VRK2: variants seen among roughly 807,000 people sequenced by gnomAD.
VRK2 encodes serine/threonine-protein kinase VRK2.
Under a neutral mutation model 57.6 loss-of-function variants are expected in VRK2, and 60 were observed. That is an observed-to-expected ratio of 1.04 (90% CI 0.85 to 1.29). VRK2 has a LOEUF of 1.29. Among genes scored for constraint, VRK2 ranks in the 50% most tolerant of loss-of-function variants. The pLI is 0.00. For synonymous variants in VRK2, 231 were observed against 199.2 expected, an observed-to-expected ratio of 1.16 and a Z score of -1.35; for missense variants, 705 against 588.1, an observed-to-expected ratio of 1.20 and a Z score of -2.06.
chr2:57,962,543 C>G (rs368043888), intron 1 of VRK2, among the ~76,000 whole-genome samples: 8 of 151,946 alleles, frequency 5.3e-5, no homozygotes, highest in African/African-American at 1.7e-4. Flanking sequence ...AGTATTTGAT[C>G]GGTAGTTTTT....
intron 1 of VRK2, among the ~76,000 whole-genome samples, chr2:57,913,913 T>G (rs1449841081): frequency 6.6e-6 from 1 of 152,102 alleles, no homozygotes; most frequent in Non-Finnish European, 1.5e-5. Flanking sequence ...GAATAAGTCA[T>G]GTTAAAATGT....
At chr2:58,122,484 T>C (rs1400939665) in intron 7 of VRK2, among the ~76,000 whole-genome samples, 1 of 152,048 alleles carries the variant, frequency 6.6e-6, no homozygotes, top group Admixed American at 6.6e-5. Flanking sequence ...GTTAAGAAAA[T>C]CATAAGGAAG....
chr2:58,158,548 G>T (rs1684385513), intron 12 of VRK2, among the ~76,000 whole-genome samples: 1 of 150,650 alleles, frequency 6.6e-6, no homozygotes, highest in South Asian at 2.1e-4. Flanking sequence ...CAAGCTTAAA[G>T]TATTTTGCTT....
Position 58,159,749 on chromosome 2 carries a change from ATGT to A in VRK2, c.*60_*62del, listed in dbSNP as rs1274343654. On this transcript the variant is annotated 3_prime_UTR_variant, in exon 13 of 13. Coordinates refer to ENST00000340157, the MANE Select transcript of VRK2 (RefSeq NM_006296.7). ...TTTAAGTTTCCAGCTCTTCACCGAA[ATGT>A]TGTATTCTTATTTCAGTGTTTCCTT... The A allele has an allele frequency of 1.1e-5, 18 of 1,613,112 alleles. No homozygotes were observed. Among genetic ancestry groups the A allele is most frequent in the Non-Finnish European group, 1.5e-5 (18 of 1,179,600 alleles).
intron 1 of VRK2, among the ~76,000 whole-genome samples, chr2:57,967,688 G>A (rs1390530940): frequency 6.6e-6 from 1 of 150,554 alleles, no homozygotes; most frequent in Non-Finnish European, 1.5e-5. Flanking sequence ...TATCCTTCCT[G>A]GACCTTAAGA....
chr2:57,929,010 C>G (rs1226311104), intron 1 of VRK2, among the ~76,000 whole-genome samples: 1 of 152,212 alleles, frequency 6.6e-6, no homozygotes, highest in Non-Finnish European at 1.5e-5. Flanking sequence ...GGACCTAAAG[C>G]CACCATGGTC....
intron 2 of VRK2, among the ~76,000 whole-genome samples, chr2:58,082,078 C>G (rs1459531046): frequency 6.6e-6 from 1 of 151,714 alleles, no homozygotes; most frequent in African/African-American, 2.4e-5. Flanking sequence ...TAGACTTAGA[C>G]CCTCCAATAT....
intron 2 of VRK2, among the ~76,000 whole-genome samples, chr2:58,028,903 A>ATATATAT (rs1553378205): frequency 7.8e-4 from 42 of 54,008 alleles, no homozygotes; most frequent in African/African-American, 1.7e-3. Flanking sequence ...TAAATAAATA[A>ATATATAT]ATATATATAT....
intron 2 of VRK2, among the ~76,000 whole-genome samples, chr2:58,030,138 G>T (rs1674068737): frequency 6.6e-6 from 1 of 152,002 alleles, no homozygotes; most frequent in African/African-American, 2.4e-5. Context: ...GATTGTCTGA[G>T]GCCTCCTTTA....
At chr2:57,932,677 C>T (rs987741188) in intron 1 of VRK2, among the ~76,000 whole-genome samples, 8 of 152,040 alleles carry the variant, frequency 5.3e-5, no homozygotes, top group African/African-American at 1.7e-4. Flanking sequence ...CTAGTCTCTA[C>T]GTGATTTATT....
At chr2:58,158,359 T>C (rs1043203320) in intron 12 of VRK2, among the ~76,000 whole-genome samples, 1 of 152,212 alleles carries the variant, frequency 6.6e-6, no homozygotes, top group African/African-American at 2.4e-5. Flanking sequence ...CATTTAACTC[T>C]CAAGTAATTT....
chr2:57,969,274 T>C (rs943470652), intron 1 of VRK2, among the ~76,000 whole-genome samples: 10 of 152,064 alleles, frequency 6.6e-5, no homozygotes, highest in African/African-American at 2.4e-4. Flanking sequence ...CAAAGCAACA[T>C]ATACAATTTT....
intron 2 of VRK2, among the ~76,000 whole-genome samples, chr2:58,058,199 A>T (rs1425868140): frequency 6.6e-6 from 1 of 151,924 alleles, no homozygotes; most frequent in Non-Finnish European, 1.5e-5. Flanking sequence ...TCATGAATTA[A>T]TTTTTTTTCA....
chr2:57,937,536 T>C (rs1670953315), intron 1 of VRK2, among the ~76,000 whole-genome samples: 1 of 152,212 alleles, frequency 6.6e-6, no homozygotes, highest in African/African-American at 2.4e-5. Flanking sequence ...AAGTGCATTA[T>C]TTACATGGTA....
rs1573393096 is a variant in VRK2 at position 58,146,425 on chromosome 2, T to G, written c.1133T>G (p.Val378Gly). 3.1e-6 allele frequency: 5 copies of G among 1,611,786 alleles called. No individual in the cohort carries two copies. In the East Asian group the frequency reaches 1.1e-4, roughly 36 times the overall value. ...RSAESCATWK[V>G]QKEEKLIGLM... ...GCTGAGTCCTGTGCAACATGGAAAGTGCAGAAAGAGGAGAAACTGATTGGA... is the reference window on the plus strand; with the variant it reads ...GCTGAGTCCTGTGCAACATGGAAAGGGCAGAAAGAGGAGAAACTGATTGGA... Residue 378 changes from valine (V) to glycine (G), a missense_variant, in exon 12 of 13, where the codon GTG becomes GGG. Transcript: ENST00000340157.
At chr2:58,054,014 G>A (rs890840366) in intron 2 of VRK2, among the ~76,000 whole-genome samples, 1 of 151,982 alleles carries the variant, frequency 6.6e-6, no homozygotes, top group Admixed American at 6.6e-5. Context: ...TACGTTTGTT[G>A]GACTTACAGA....
At chr2:58,043,035 T>A (rs1461706017), upstream of VRK2, among the ~76,000 whole-genome samples, 2 of 152,164 alleles carry the variant, frequency 1.3e-5, no homozygotes, top group African/African-American at 4.8e-5. Flanking sequence ...ATATTCTCAA[T>A]ATAGGTTTAC....
At chr2:58,117,748 A>C (rs193068475) in intron 7 of VRK2, among the ~76,000 whole-genome samples, 108 of 152,296 alleles carry the variant, frequency 7.1e-4, no homozygotes, top group African/African-American at 2.4e-3. Context: ...ATTGGGGTCA[A>C]GCGGCATTGC....
intron 2 of VRK2, 138 bp downstream of exon 2, chr2:58,049,105 A>ACT: frequency 1.8e-6 from 2 of 1,083,940 alleles, no homozygotes; most frequent in Non-Finnish European, 2.6e-6. Flanking sequence ...CGATTAAGTA[A>ACT]TAATAGAGTA....
Sources: allele counts gnomAD v4.1 joint callset (sites outside exome capture counted in the v4.1 genomes callset), GRCh38; gene constraint gnomAD v4.1.1; transcripts MANE v1.5; gene names NCBI Gene and HGNC (gene_info 2026-07-23, HGNC 2026-07-21).